Variants in RABGAP1L observed in about 807,000 individuals in gnomAD.
RABGAP1L encodes rab GTPase-activating protein 1-like.
Under a neutral mutation model 137.7 loss-of-function variants are expected in RABGAP1L, and 63 were observed. That is an observed-to-expected ratio of 0.46 (90% CI 0.37 to 0.56). RABGAP1L has a LOEUF of 0.56. RABGAP1L is among the 20% of genes least tolerant of loss of function. RABGAP1L has a pLI of 0.00. For missense variants in RABGAP1L, 1,095 were observed against 1,244.0 expected, an observed-to-expected ratio of 0.88 and a Z score of 1.80; for synonymous variants, 431 against 433.7, an observed-to-expected ratio of 0.99 and a Z score of 0.08.
At chr1:174,309,991 A>G (rs1678666937) in intron 11 of RABGAP1L, among the ~76,000 whole-genome samples, 1 of 151,936 alleles carries the variant, frequency 6.6e-6, no homozygotes, top group Admixed American at 6.6e-5. Context: ...TCAGGTCCTG[A>G]GCTTCCTTTT....
In RABGAP1L at chr1:174,991,109, T is replaced by C. The variant is rs1017677463; in HGVS notation, c.*1108T>C. Reference sequence around the variant, plus strand: ...ACAAATGCATTTGTAACATTTTTGATTGAATATAAAACCTTTACAGAAATA... The same window carrying C: ...ACAAATGCATTTGTAACATTTTTGACTGAATATAAAACCTTTACAGAAATA... On this transcript the variant is annotated 3_prime_UTR_variant, in exon 26 of 26. Coordinates refer to ENST00000681986, the MANE Select transcript of RABGAP1L (RefSeq NM_001366446.1). The C allele has an allele frequency of 2.6e-5, 4 of 152,174 alleles. No homozygotes were observed. The highest frequency in any genetic ancestry group is 9.7e-5 in the African/African-American group (4 of 41,432). 9.4% of individuals were successfully genotyped at this position (152,174 alleles called of 1,614,324 possible).
At chr1:174,875,380 G>A (rs781186783) in intron 19 of RABGAP1L, 7 of 213,524 alleles carry the variant, frequency 3.3e-5, no homozygotes, top group Non-Finnish European at 4.8e-5. Context: ...CTATGGTTAC[G>A]CTGAATGCAC....
At chr1:174,809,077 A>T (rs535886248) in intron 18 of RABGAP1L, among the ~76,000 whole-genome samples, 1 of 152,346 alleles carries the variant, frequency 6.6e-6, no homozygotes, top group African/African-American at 2.4e-5. Context: ...TGCAACCCTG[A>T]GTACCTTTAA....
chr1:174,325,921 A>G (rs529222260), intron 11 of RABGAP1L, among the ~76,000 whole-genome samples: 7 of 152,232 alleles, frequency 4.6e-5, no homozygotes, highest in Non-Finnish European at 1.0e-4. Flanking sequence ...GCTCTCCCAC[A>G]TGGCCTAGGG....
chr1:174,472,931 A>G (rs561537915), intron 13 of RABGAP1L, among the ~76,000 whole-genome samples: 4 of 152,226 alleles, frequency 2.6e-5, no homozygotes, highest in African/African-American at 4.8e-5. Flanking sequence ...GACCTGCAGT[A>G]TTAACTGTTT....
At chr1:174,652,741 C>T (rs1037156100) in intron 14 of RABGAP1L, among the ~76,000 whole-genome samples, 15 of 152,286 alleles carry the variant, frequency 9.8e-5, no homozygotes, top group Middle Eastern at 6.8e-3. Context: ...TCGACCCCTG[C>T]TGGGAGGTGT....
intron 13 of RABGAP1L, among the ~76,000 whole-genome samples, chr1:174,636,139 A>G (rs983685989): frequency 6.6e-6 from 1 of 152,208 alleles, no homozygotes; most frequent in Non-Finnish European, 1.5e-5. Flanking sequence ...AAATAAAATC[A>G]AGAGAATGTT....
At chr1:174,952,650 G>A (rs1667898749) in intron 19 of RABGAP1L, among the ~76,000 whole-genome samples, 1 of 152,046 alleles carries the variant, frequency 6.6e-6, no homozygotes, top group Non-Finnish European at 1.5e-5. Flanking sequence ...GAGTGCAGTG[G>A]CATGATTTTA....
At chr1:174,659,397 C>T (rs1364407584) in intron 14 of RABGAP1L, among the ~76,000 whole-genome samples, 1 of 152,132 alleles carries the variant, frequency 6.6e-6, no homozygotes, top group African/African-American at 2.4e-5. Context: ...TATCATAACT[C>T]TAATTATTAA....
chr1:174,832,732 T>C (rs552430544), intron 19 of RABGAP1L, among the ~76,000 whole-genome samples: 3 of 152,190 alleles, frequency 2.0e-5, no homozygotes, highest in Non-Finnish European at 4.4e-5. Flanking sequence ...TGTTCATGAC[T>C]TTTGCTGGCA....
At chr1:174,929,941 C>A (rs539112524) in intron 19 of RABGAP1L, among the ~76,000 whole-genome samples, 1 of 149,416 alleles carries the variant, frequency 6.7e-6, no homozygotes, top group Non-Finnish European at 1.5e-5. Context: ...GCCTCAGCCT[C>A]CTGGGCTCAA....
chr1:174,936,202 C>T (rs1204920598), intron 19 of RABGAP1L, among the ~76,000 whole-genome samples: 4 of 152,008 alleles, frequency 2.6e-5, no homozygotes, highest in African/African-American at 4.8e-5. Flanking sequence ...TAGTAGCTCA[C>T]GCTGGTAATC....
chr1:174,186,210 C>G (rs1041927163), intron 1 of RABGAP1L, among the ~76,000 whole-genome samples: 3 of 151,396 alleles, frequency 2.0e-5, no homozygotes, highest in African/African-American at 4.9e-5. Context: ...ATGTTGACTT[C>G]TAGTGCTTTT....
At chr1:174,463,176 G>T (rs1656893010) in intron 13 of RABGAP1L, among the ~76,000 whole-genome samples, 1 of 152,046 alleles carries the variant, frequency 6.6e-6, no homozygotes. Context: ...ATACCCAAAG[G>T]ACTATAAATC....
intron 1 of RABGAP1L, among the ~76,000 whole-genome samples, chr1:174,167,650 C>G (rs1385553108): frequency 6.6e-6 from 1 of 152,172 alleles, no homozygotes; most frequent in Non-Finnish European, 1.5e-5. Flanking sequence ...TCCTTTACCC[C>G]ACACATACAC....
intron 13 of RABGAP1L, among the ~76,000 whole-genome samples, chr1:174,618,486 A>G (rs899855310): frequency 1.3e-5 from 2 of 152,320 alleles, no homozygotes; most frequent in East Asian, 1.9e-4. Flanking sequence ...CTGTTCACCA[A>G]TATCTGCTGT....
intron 17 of RABGAP1L, among the ~76,000 whole-genome samples, chr1:174,750,524 C>T (rs1475157218): frequency 6.6e-6 from 1 of 152,090 alleles, no homozygotes; most frequent in African/African-American, 2.4e-5. Flanking sequence ...AATGAAATTT[C>T]ACAATTCCTG....
intron 10 of RABGAP1L, among the ~76,000 whole-genome samples, chr1:174,291,410 G>T (rs770387122): frequency 1.3e-5 from 2 of 151,918 alleles, no homozygotes; most frequent in Non-Finnish European, 2.9e-5. Flanking sequence ...TGAGACATTG[G>T]TTTATAGTTT....
intron 14 of RABGAP1L, among the ~76,000 whole-genome samples, chr1:174,645,815 C>A (rs1286159341): frequency 6.6e-6 from 1 of 152,116 alleles, no homozygotes; most frequent in African/African-American, 2.4e-5. Context: ...CTAATTTACA[C>A]TCTCACCAAC....
Sources: gnomAD v4.1 joint callset for allele counts (sites outside exome capture counted in the v4.1 genomes callset) on GRCh38, gnomAD v4.1.1 for gene constraint, MANE v1.5 for transcripts, NCBI Gene and HGNC (gene_info 2026-07-23, HGNC 2026-07-21) for gene names.